CTSA: variants seen among roughly 807,000 people sequenced by gnomAD.
CTSA encodes the protein cathepsin A.
CTSA carries 42 observed loss-of-function variants against 66.7 expected under a neutral mutation model. That is an observed-to-expected ratio of 0.63 (90% CI 0.49 to 0.81). The LOEUF (loss-of-function observed/expected upper bound fraction) is 0.81. Among genes scored for constraint, CTSA ranks in the 40% least tolerant of loss-of-function variants. CTSA has a pLI of 0.00. For synonymous variants in CTSA, 225 were observed against 248.6 expected (o/e 0.91, Z 0.89); for missense variants, 525 against 610.9 (o/e 0.86, Z 1.48).
In CTSA at chr20:45,894,077, G is replaced by T. The variant is rs764178910; in HGVS notation, c.777+5G>T. On this transcript the variant is annotated splice_donor_5th_base_variant and intron_variant, in intron 8 of 14. Transcript: ENST00000646241. ...GACCTGGAATGCGTGACCAATGTGA[G>T]GTTCTGCCATCACTTTGCATGAGCT... 1 of 1,593,806 alleles carries T rather than the reference G, an allele frequency of 6.3e-7. No homozygotes were observed.
intron 12 of CTSA, chr20:45,897,248 T>C (rs1227891676): frequency 1.6e-6 from 1 of 615,446 alleles, no homozygotes; most frequent in South Asian, 1.9e-5. Flanking sequence ...CCTAGGGGTC[T>C]GCATCAGCCA....
intron 11 of CTSA, 130 bp downstream of exon 11, chr20:45,895,263 A>G (rs1394033117): frequency 1.4e-5 from 14 of 1,014,204 alleles, no homozygotes; most frequent in Non-Finnish European, 2.0e-5. Flanking sequence ...TTTAACATCC[A>G]TCCCTGACCC....
At position 45,892,405 on chromosome 20, in the gene CTSA, ATG is replaced by A. The variant is rs1568762317; in HGVS notation, c.369_370del (p.Leu124IlefsTer15). ...TTTTTCCCTCCCCTCTAGATTGCCA[ATG>A]TGTTATACCTGGAGTCCCCAGCTGG... is the stretch of plus-strand genomic sequence containing the variant. On this transcript the variant is annotated frameshift_variant, in exon 5 of 15. Coordinates refer to ENST00000646241, the MANE Select transcript of CTSA (RefSeq NM_000308.4). LOFTEE classifies it high-confidence loss of function. 5.6e-6 allele frequency: 9 copies of A among 1,614,056 alleles called. No individual in the cohort carries two copies. Among genetic ancestry groups the A allele is most frequent in the Non-Finnish European group, 7.6e-6 (9 of 1,180,000 alleles).
rs1987038302 is a variant in CTSA at position 45,892,804 on chromosome 20, C to G, written c.524C>G (p.Thr175Ser). Residue 175 changes from threonine to serine, a missense_variant, in exon 6 of 15, where the codon ACC becomes AGC. By Grantham distance (58) the Thr-to-Ser change is moderately conservative (BLOSUM62 1). Transcript: ENST00000646241. ...TACAAGAACAACAAACTTTTCCTGA[C>G]CGGGGAGAGCTATGCTGGCATCTAC... ...PEYKNNKLFLTGESYAGIYIP... is the reference protein window; with the variant it reads ...PEYKNNKLFLSGESYAGIYIP... 6.2e-7 allele frequency: 1 copy of G among 1,614,040 alleles called. No individual in the cohort carries two copies.
Position 45,891,564 on chromosome 20 carries a change from C to A in CTSA, c.1-5C>A. 6.2e-7 allele frequency: 1 copy of A among 1,602,904 alleles called. No homozygotes were observed. Among genetic ancestry groups the A allele is most frequent in the South Asian group, 1.1e-5 (1 of 90,686 alleles). ...AGTCAACAGCCCCTCTGCTGCCTCCCGTAGATGATCCGAGCCGCGCCGCCG... is the reference window on the plus strand; with the variant it reads ...AGTCAACAGCCCCTCTGCTGCCTCCAGTAGATGATCCGAGCCGCGCCGCCG... On this transcript the variant is annotated splice_polypyrimidine_tract_variant and splice_region_variant and intron_variant, in intron 1 of 14. Transcript: ENST00000646241. The surrounding 1 kb of genome is among the most constrained non-coding windows in gnomAD (Gnocchi z 4.6).
chr20:45,892,945 C>A, intron 6 of CTSA, 65 bp downstream of exon 6: 2 of 1,575,208 alleles, frequency 1.3e-6, no homozygotes, highest in East Asian at 2.3e-5. Context: ...TTAGCAAGGT[C>A]AGACTGACTG....
At position 45,896,658 on chromosome 20, in the gene CTSA, C is replaced by G. The variant is rs141765367; in HGVS notation, c.1089-307C>G. 2,782 of 384,736 alleles carry G rather than the reference C, an allele frequency of 7.2e-3. 79 individuals carry two copies. The highest frequency in any genetic ancestry group is 0.053 in the African/African-American group (2,571 of 48,168). 23.8% of individuals were successfully genotyped at this position (384,736 alleles called of 1,614,324 possible). A position where few individuals can be genotyped will look rare whatever the true frequency, so the allele number is the denominator to read the frequency against. ...TTCACCATGTTGGTCAGGCTGGTCT[C>G]GAACTCCTGACCTCGTGATCCACTC... On this transcript the variant is annotated intron_variant, in intron 11 of 14. Coordinates refer to ENST00000646241, the MANE Select transcript of CTSA (RefSeq NM_000308.4).
chr20:45,891,583 G>C lies in CTSA; in HGVS notation c.15G>C (p.Ala5=). MIRA[A]PPPLFLLLLL... Reference sequence around the variant, plus strand: ...GCCTCCCGTAGATGATCCGAGCCGCGCCGCCGCCGCTGTTCCTGCTGCTGC... The same window carrying C: ...GCCTCCCGTAGATGATCCGAGCCGCCCCGCCGCCGCTGTTCCTGCTGCTGC... Residue 5 remains alanine (A), a synonymous_variant, in exon 2 of 15, where the codon GCG becomes GCC. Coordinates refer to ENST00000646241, the MANE Select transcript of CTSA (RefSeq NM_000308.4). This position sits in a 1 kb window ranked among gnomAD's most constrained non-coding sequence, Gnocchi z 4.6. The C allele has an allele frequency of 6.3e-7, 1 of 1,584,666 alleles. No individual in the cohort carries two copies. The highest frequency in any genetic ancestry group is 1.1e-5 in the South Asian group (1 of 90,032).
In CTSA at chr20:45,891,368, G is replaced by T; in HGVS notation, c.-12G>T. The T allele has an allele frequency of 1.9e-6, 3 of 1,575,088 alleles. No individual in the cohort carries two copies. Among genetic ancestry groups the T allele is most frequent in the East Asian group, 2.3e-5 (1 of 43,018 alleles). On this transcript the variant is annotated 5_prime_UTR_variant, in exon 1 of 15. Transcript: ENST00000646241. This position sits in a 1 kb window ranked among gnomAD's most constrained non-coding sequence, Gnocchi z 4.6. Reference sequence around the variant, plus strand: ...GGCGCCTCCTGGAGAGCAAGGACGCGGGGGAGCAGAGGTGAGCTGGCACCG... The same window carrying T: ...GGCGCCTCCTGGAGAGCAAGGACGCTGGGGAGCAGAGGTGAGCTGGCACCG...
In CTSA at chr20:45,891,885, T is replaced by C. The variant is rs755887807; in HGVS notation, c.195-31T>C. Reference sequence around the variant, plus strand: ...GAGGGCTGGAAAGGGCCCCTCCAACTGCGCCAACCCTGCCCTGACCCCCCT... The same window carrying C: ...GAGGGCTGGAAAGGGCCCCTCCAACCGCGCCAACCCTGCCCTGACCCCCCT... On this transcript the variant is annotated intron_variant, in intron 2 of 14. Transcript: ENST00000646241. The surrounding 1 kb of genome is among the most constrained non-coding windows in gnomAD (Gnocchi z 4.6). The C allele has an allele frequency of 6.2e-7, 1 of 1,610,088 alleles. No homozygotes were observed. Among genetic ancestry groups the C allele is most frequent in the South Asian group, 1.1e-5 (1 of 91,022 alleles).
At position 45,892,423 on chromosome 20, in the gene CTSA, C is replaced by A. The variant is rs1333482222; in HGVS notation, c.383C>A (p.Ser128Tyr). The A allele has an allele frequency of 8.1e-6, 13 of 1,614,022 alleles. No homozygotes were observed. The highest frequency in any genetic ancestry group is 9.3e-6 in the Non-Finnish European group (11 of 1,180,030). Residue 128 changes from serine to tyrosine, a missense_variant, in exon 5 of 15, where the codon TCC becomes TAC. By Grantham distance (144) the Ser-to-Tyr change is moderately radical (BLOSUM62 -2). This residue lies in a region of CTSA where 246 missense variants were observed against 267.4 expected (regional missense o/e 0.92). Coordinates refer to ENST00000646241, the MANE Select transcript of CTSA (RefSeq NM_000308.4). Reference protein sequence around the residue: ...NLIANVLYLESPAGVGFSYSD... With the variant: ...NLIANVLYLEYPAGVGFSYSD... The stretch of plus-strand genomic sequence containing the variant: ...ATTGCCAATGTGTTATACCTGGAGT[C>A]CCCAGCTGGGGTGGGCTTCTCCTAC...
rs1986972338 is a variant in CTSA at position 45,891,897 on chromosome 20, GCCCTGACC to G, written c.195-15_195-8del. The stretch of plus-strand genomic sequence containing the variant: ...GGGCCCCTCCAACTGCGCCAACCCT[GCCCTGACC>G]CCCCTCCCAGGTTTGTGGAGTCCCA... On this transcript the variant is annotated splice_polypyrimidine_tract_variant and intron_variant, in intron 2 of 14. Coordinates refer to ENST00000646241, the MANE Select transcript of CTSA (RefSeq NM_000308.4). This position sits in a 1 kb window ranked among gnomAD's most constrained non-coding sequence, Gnocchi z 4.6. 1.9e-6 allele frequency: 3 copies of G among 1,612,304 alleles called. No homozygotes were observed. In the Middle Eastern group the frequency reaches 5.0e-4, roughly 267 times the overall value.
At chr20:45,896,420 G>A (rs191732536) in intron 11 of CTSA, 38 of 195,540 alleles carry the variant, frequency 1.9e-4, no homozygotes, top group African/African-American at 6.9e-4. Context: ...ACCAAAATGC[G>A]TCCCTTGTAC....
intron 6 of CTSA, 138 bp downstream of exon 6, chr20:45,893,018 T>C (rs942784904): frequency 1.8e-6 from 2 of 1,084,506 alleles, no homozygotes. Context: ...GCCCTAGGTC[T>C]GTCTGTGTGC....
chr20:45,898,144 G>T lies in CTSA; in HGVS notation c.1359+35G>T, dbSNP rs7270170. The stretch of plus-strand genomic sequence containing the variant: ...GGGCCTGCTGAGAGATAACTGGGCC[G>T]GAGGCAAAGGAGCAGGACCCACCCG... On this transcript the variant is annotated intron_variant, in intron 14 of 14. Coordinates refer to ENST00000646241, the MANE Select transcript of CTSA (RefSeq NM_000308.4). The surrounding 1 kb of genome is among the most constrained non-coding windows in gnomAD (Gnocchi z 4.6). The T allele has an allele frequency of 6.3e-7, 1 of 1,594,774 alleles. No homozygotes were observed. The highest frequency in any genetic ancestry group is 1.3e-5 in the African/African-American group (1 of 74,480).
rs762896416 is a variant in CTSA, at chr20:45,893,988, G to C, written c.693G>C (p.Arg231Ser). The C allele has an allele frequency of 8.1e-6, 13 of 1,600,100 alleles. No homozygotes were observed. In the East Asian group the frequency reaches 1.6e-4, roughly 19 times the overall value. The part of the protein sequence containing the change: ...FAYYHGLLGN[R>S]LWSSLQTHCC... ...CGCTTTTCACTCTCATCTCCTACAG[G>C]CTTTGGTCTTCTCTCCAGACCCACT... Residue 231 changes from arginine (R) to serine (S), a missense_variant and splice_region_variant, in exon 8 of 15, where the codon AGG becomes AGC. Around this residue, in one of 3 missense-constraint regions of CTSA, gnomAD observed 5 missense variants for 22.4 expected, o/e 0.22. Coordinates refer to ENST00000646241, the MANE Select transcript of CTSA (RefSeq NM_000308.4).
Position 45,894,686 on chromosome 20 carries a change from C to T in CTSA, c.814C>T (p.Leu272Phe). 4 of 1,614,166 alleles carry T rather than the reference C, an allele frequency of 2.5e-6. No individual in the cohort carries two copies. Among genetic ancestry groups the T allele is most frequent in the Non-Finnish European group, 3.4e-6 (4 of 1,180,026 alleles). Residue 272 changes from leucine to phenylalanine, a missense_variant, in exon 9 of 15, where the codon CTC becomes TTC. Transcript: ENST00000646241. ...GGCCCGCATCGTGGGCAACTCTGGC[C>T]TCAACATCTACAATCTCTATGCCCC... ...EVARIVGNSG[L>F]NIYNLYAPCA...
chr20:45,894,609 T>C lies in CTSA; in HGVS notation c.778-41T>C, dbSNP rs2075962. On this transcript the variant is annotated intron_variant, in intron 8 of 14. Transcript: ENST00000646241. ...CAACTTGGTGGGGTCGTGGAGAGGC[T>C]GGGGATCTGTAAAGCATGGTGGCTT... 0.62 allele frequency: 971,596 copies of C among 1,555,242 alleles called. 305,831 individuals are homozygous for C. The highest frequency in any genetic ancestry group is 0.75 in the Admixed American group (44,670 of 59,900).
chr20:45,896,712 C>T, intron 11 of CTSA: 1 of 501,142 alleles, frequency 2.0e-6, no homozygotes, highest in Admixed American at 3.1e-5. Context: ...GCTAGGATTA[C>T]AGGCGTGAGC....
Sources: gnomAD v4.1 joint callset for allele counts on GRCh38, gnomAD v4.1.1 for gene constraint, gnomAD v4.1.1 regional missense constraint, Gnocchi (gnomAD v3.1) non-coding constraint, MANE v1.5 for transcripts, NCBI Gene and HGNC (gene_info 2026-07-23, HGNC 2026-07-21) for gene names.